The following SGMS2 variants were observed in gnomAD, a reference collection of about 807,000 sequenced individuals.
The protein encoded by SGMS2 is sphingomyelin synthase 2, also known as phosphatidylcholine:ceramide cholinephosphotransferase 2.
Under a neutral mutation model 43.8 loss-of-function variants are expected in SGMS2, and 21 were observed. That is an observed-to-expected ratio of 0.48 (90% CI 0.34 to 0.69). The LOEUF (loss-of-function observed/expected upper bound fraction) is 0.69. SGMS2 is among the 30% of genes least tolerant of loss of function. The pLI is 0.01. For synonymous variants in SGMS2, 167 were observed against 160.6 expected, an observed-to-expected ratio of 1.04 and a Z score of -0.30; for missense variants, 384 against 443.2, an observed-to-expected ratio of 0.87 and a Z score of 1.20.
At position 107,914,318 on chromosome 4, in the gene SGMS2, T is replaced by A. The variant is rs370150447; in HGVS notation, c.*3765T>A. ...CTAAATAAATCATGAATGAGAAGAGTGCTTTATTGTGAAATTATTTAAAAC... is the reference window on the plus strand; with the variant it reads ...CTAAATAAATCATGAATGAGAAGAGAGCTTTATTGTGAAATTATTTAAAAC... On this transcript the variant is annotated 3_prime_UTR_variant, in exon 7 of 7. Coordinates refer to ENST00000690982, the MANE Select transcript of SGMS2 (RefSeq NM_001375905.1). 6.6e-6 allele frequency: 1 copy of A among 152,060 alleles called. No homozygotes were observed. Among genetic ancestry groups the A allele is most frequent in the East Asian group, 1.9e-4 (1 of 5,198 alleles). 9.4% of individuals were successfully genotyped at this position (152,060 alleles called of 1,614,324 possible).
At chr4:107,829,932 G>T (rs1725794793) in intron 1 of SGMS2, among the ~76,000 whole-genome samples, 1 of 152,028 alleles carries the variant, frequency 6.6e-6, no homozygotes, top group African/African-American at 2.4e-5. Context: ...TTTGTTACAT[G>T]GGTAAATTAT....
chr4:107,833,342 G>T (rs775931234), intron 1 of SGMS2, among the ~76,000 whole-genome samples: 2 of 152,162 alleles, frequency 1.3e-5, no homozygotes, highest in Non-Finnish European at 2.9e-5. Flanking sequence ...GTTGGAGATG[G>T]TAGTAAGCAG....
intron 2 of SGMS2, among the ~76,000 whole-genome samples, chr4:107,885,953 T>C (rs1729717193): frequency 6.6e-6 from 1 of 152,190 alleles, no homozygotes; most frequent in African/African-American, 2.4e-5. Flanking sequence ...AAAAATTAGC[T>C]GATGTGGATA....
chr4:107,907,684 A>G (rs1578670332), intron 5 of SGMS2, among the ~76,000 whole-genome samples: 1 of 152,232 alleles, frequency 6.6e-6, no homozygotes, highest in East Asian at 1.9e-4. Flanking sequence ...CTACATGTGA[A>G]TGTAAATATC....
At chr4:107,853,223 C>T (rs763104408) in intron 1 of SGMS2, among the ~76,000 whole-genome samples, 3 of 151,958 alleles carry the variant, frequency 2.0e-5, no homozygotes, top group Non-Finnish European at 2.9e-5. Flanking sequence ...GCTTATGAGA[C>T]AGAACTTTTT....
Position 107,892,234 on chromosome 4 carries a change from CAAAAAA to C in SGMS2, c.-244-3058_-244-3053del, listed in dbSNP as rs34353350. On this transcript the variant is annotated intron_variant, in intron 2 of 6. Coordinates refer to ENST00000690982, the MANE Select transcript of SGMS2 (RefSeq NM_001375905.1). ...CTTGTGTTGGAAGCAACTAAAACTC[CAAAAAA>C]AAAAAAAAAAAAAAAAAGGTTGTAC... Among the ~76,000 whole-genome samples, 16 of 75,100 alleles carry C rather than the reference CAAAAAA, an allele frequency of 2.1e-4. No individual in the cohort carries two copies. In the South Asian group the frequency reaches 4.2e-3, roughly 20 times the overall value. The allele number at this position is 75,100 out of a possible 152,430, so 49.3% of individuals were successfully genotyped here.
intron 2 of SGMS2, among the ~76,000 whole-genome samples, chr4:107,861,203 C>G (rs1200255929): frequency 1.3e-5 from 2 of 152,200 alleles, no homozygotes; most frequent in African/African-American, 4.8e-5. Flanking sequence ...TGGGGCTCTA[C>G]TGCTATTTAA....
intron 1 of SGMS2, among the ~76,000 whole-genome samples, chr4:107,826,426 G>A (rs533806520): frequency 1.3e-5 from 2 of 152,168 alleles, no homozygotes; most frequent in Non-Finnish European, 2.9e-5. Context: ...GAAGGTTATG[G>A]TTTCCATCCT....
intron 4 of SGMS2, 64 bp from the exon 5 acceptor site, chr4:107,903,169 A>G (rs1485655475): frequency 1.2e-5 from 18 of 1,513,930 alleles, no homozygotes; most frequent in Non-Finnish European, 1.6e-5. Context: ...GAGTCACACA[A>G]TTAGACTGAA....
intron 3 of SGMS2, among the ~76,000 whole-genome samples, chr4:107,896,706 A>G (rs1036625814): frequency 5.3e-5 from 8 of 152,202 alleles, no homozygotes; most frequent in African/African-American, 1.9e-4. Flanking sequence ...TTTTTGGAAT[A>G]GTAGGAAATC....
intron 3 of SGMS2, among the ~76,000 whole-genome samples, chr4:107,898,282 A>G (rs1247378966): frequency 6.6e-6 from 1 of 151,742 alleles, no homozygotes; most frequent in African/African-American, 2.4e-5. Context: ...TTGACCCCAG[A>G]AACCTTGGAA....
chr4:107,873,901 T>C (rs1358646334), intron 2 of SGMS2: 1 of 152,132 alleles, frequency 6.6e-6, no homozygotes, highest in African/African-American at 2.4e-5. Context: ...CTAAGAACTA[T>C]TTAAGTGCAG....
At chr4:107,826,174 A>G (rs1355807555) in intron 1 of SGMS2, among the ~76,000 whole-genome samples, 1 of 152,228 alleles carries the variant, frequency 6.6e-6, no homozygotes, top group Non-Finnish European at 1.5e-5. Context: ...AATAATGAGG[A>G]TTAAAGCGCA....
chr4:107,840,460 C>A (rs1009719244), intron 1 of SGMS2, among the ~76,000 whole-genome samples: 57 of 152,154 alleles, frequency 3.7e-4, no homozygotes, highest in Non-Finnish European at 4.4e-5. Flanking sequence ...TAGATTTCTT[C>A]TCCTAGACTG....
Position 107,891,353 on chromosome 4 carries a change from T to C in SGMS2, c.-244-3957T>C, listed in dbSNP as rs1222960175. Among the ~76,000 whole-genome samples, 3 of 152,074 alleles carry C rather than the reference T, an allele frequency of 2.0e-5. No homozygotes were observed. The East Asian group carries it at 5.8e-4, about 29-fold the overall frequency. The stretch of plus-strand genomic sequence containing the variant: ...AAAAAAAATGATTGCACAACTTATA[T>C]GATTACTGAGCACTCTAATGGTAAA... On this transcript the variant is annotated intron_variant, in intron 2 of 6. Coordinates refer to ENST00000690982, the MANE Select transcript of SGMS2 (RefSeq NM_001375905.1).
intron 1 of SGMS2, among the ~76,000 whole-genome samples, chr4:107,842,276 C>CCAA (rs1726560122): frequency 6.6e-6 from 1 of 152,072 alleles, no homozygotes; most frequent in Non-Finnish European, 1.5e-5. Flanking sequence ...AAGTGTAATG[C>CCAA]CAACATCTGC....
At chr4:107,847,765 A>G (rs1370906815) in intron 1 of SGMS2, among the ~76,000 whole-genome samples, 1 of 152,200 alleles carries the variant, frequency 6.6e-6, no homozygotes, top group Non-Finnish European at 1.5e-5. Context: ...ATTCTGAGAA[A>G]TACTTTTTTG....
chr4:107,880,328 A>G (rs968237836), intron 2 of SGMS2, among the ~76,000 whole-genome samples: 4 of 152,214 alleles, frequency 2.6e-5, no homozygotes, highest in African/African-American at 9.6e-5. Context: ...ACTCTTTTCA[A>G]TGTTACTTTT....
Position 107,910,655 on chromosome 4 carries a change from G to A in SGMS2, c.*102G>A. ...TTAGGAGAACTGACTGGTAAATGAA[G>A]AAATGGACCAAATTTTGTGTAAACG... On this transcript the variant is annotated 3_prime_UTR_variant, in exon 7 of 7. Transcript: ENST00000690982. 1 of 1,071,032 alleles carries A rather than the reference G, an allele frequency of 9.3e-7. No individual in the cohort carries two copies. Among genetic ancestry groups the A allele is most frequent in the Non-Finnish European group, 1.3e-6 (1 of 749,012 alleles). 66.3% of individuals were successfully genotyped at this position (1,071,032 alleles called of 1,614,324 possible).
Sources: allele counts gnomAD v4.1 joint callset (sites outside exome capture counted in the v4.1 genomes callset), GRCh38; gene constraint gnomAD v4.1.1; transcripts MANE v1.5; gene names NCBI Gene and HGNC (gene_info 2026-07-23, HGNC 2026-07-21).